HNF4G: variants seen among roughly 807,000 people sequenced by gnomAD.
The protein encoded by HNF4G is hepatocyte nuclear factor 4-gamma.
In HNF4G, 21 loss-of-function variants were observed where a neutral mutation model predicts 50.9. That is an observed-to-expected ratio of 0.41 (90% CI 0.29 to 0.59). The LOEUF (loss-of-function observed/expected upper bound fraction) is 0.59, where lower values mean the gene tolerates loss of function less well. Among genes scored for constraint, HNF4G ranks in the 20% least tolerant of loss-of-function variants. HNF4G has a pLI of 0.26. For synonymous variants in HNF4G, 198 were observed against 185.6 expected (o/e 1.07, Z -0.54); for missense variants, 527 against 559.4 (o/e 0.94, Z 0.58).
chr8:75,426,315 C>A (rs1394350188), intron 1 of HNF4G, among the ~76,000 whole-genome samples: 1 of 152,208 alleles, frequency 6.6e-6, no homozygotes, highest in Non-Finnish European at 1.5e-5. Context: ...TGTGTTTCTC[C>A]ATTGCACTTC....
chr8:75,471,609 T>C (rs1812116082), intron 1 of HNF4G, among the ~76,000 whole-genome samples: 1 of 152,220 alleles, frequency 6.6e-6, no homozygotes, highest in Admixed American at 6.5e-5. Context: ...TCCTTCCTTC[T>C]TATTAATTTC....
chr8:75,564,201 T>C lies in HNF4G; in HGVS notation c.*105T>C, dbSNP rs1374453375. On this transcript the variant is annotated 3_prime_UTR_variant, in exon 10 of 10. Transcript: ENST00000396423. Reference sequence around the variant, plus strand: ...CAAACTCTTAGCCAAGGCTTCTTCATTGGTGCTGTTATAAGATGGTGTCCT... The same window carrying C: ...CAAACTCTTAGCCAAGGCTTCTTCACTGGTGCTGTTATAAGATGGTGTCCT... The C allele has an allele frequency of 2.2e-5, 25 of 1,155,100 alleles. No individual in the cohort carries two copies. Among genetic ancestry groups the C allele is most frequent in the East Asian group, 2.4e-5 (1 of 41,924 alleles). The allele number at this position is 1,155,100 out of a possible 1,614,324, so 71.6% of individuals were successfully genotyped here. A position where few individuals can be genotyped will look rare whatever the true frequency, so the allele number is the denominator to read the frequency against.
chr8:75,419,409 G>T (rs1468920411), intron 1 of HNF4G, among the ~76,000 whole-genome samples: 3 of 152,148 alleles, frequency 2.0e-5, no homozygotes, highest in African/African-American at 7.2e-5. Context: ...ACTAAACTGG[G>T]TACTTCTCTT....
chr8:75,522,839 C>T (rs1271999663), intron 2 of HNF4G, among the ~76,000 whole-genome samples: 1 of 152,034 alleles, frequency 6.6e-6, no homozygotes, highest in African/African-American at 2.4e-5. Flanking sequence ...TATAGCATGT[C>T]TATATAATGG....
Position 75,539,922 on chromosome 8 carries a change from T to C in HNF4G, c.-41T>C. On this transcript the variant is annotated 5_prime_UTR_variant, in exon 1 of 10. Coordinates refer to ENST00000396423, the MANE Select transcript of HNF4G (RefSeq NM_004133.5). ...ACACATCAAAACACTCATCACGCAC[T>C]CTGGGCTTGTGGTGCCACTTGTATG... 2 of 915,688 alleles carry C rather than the reference T, an allele frequency of 2.2e-6. No homozygotes were observed. The highest frequency in any genetic ancestry group is 2.4e-5 in the East Asian group (1 of 41,446). The allele number at this position is 915,688 out of a possible 1,614,324, so 56.7% of individuals were successfully genotyped here.
intron 1 of HNF4G, among the ~76,000 whole-genome samples, chr8:75,439,883 C>T (rs1245345497): frequency 6.6e-6 from 1 of 151,726 alleles, no homozygotes; most frequent in Non-Finnish European, 1.5e-5. Flanking sequence ...TTTTTTATAG[C>T]AAGTCTTTCT....
chr8:75,543,229 T>C (rs1472606899), intron 1 of HNF4G, among the ~76,000 whole-genome samples: 1 of 151,754 alleles, frequency 6.6e-6, no homozygotes. Context: ...AATAAATAAA[T>C]AAAAAGTATT....
chr8:75,513,823 T>C (rs1001334158), intron 2 of HNF4G, among the ~76,000 whole-genome samples: 1 of 151,680 alleles, frequency 6.6e-6, no homozygotes, highest in African/African-American at 2.4e-5. Context: ...GACTTTTTAT[T>C]ATATTTTTTA....
chr8:75,438,621 G>T (rs1157135670), intron 1 of HNF4G, among the ~76,000 whole-genome samples: 1 of 150,244 alleles, frequency 6.7e-6, no homozygotes. Context: ...TTACCTTCAT[G>T]CATTTTACCT....
intron 1 of HNF4G, 31 bp from the exon 2 acceptor site, chr8:75,543,780 T>G: frequency 6.3e-7 from 1 of 1,581,152 alleles, no homozygotes. Context: ...TAGTACTAAC[T>G]CTAACTGTAA....
intron 1 of HNF4G, among the ~76,000 whole-genome samples, chr8:75,470,293 G>T (rs1022004922): frequency 6.6e-6 from 1 of 152,126 alleles, no homozygotes; most frequent in Non-Finnish European, 1.5e-5. Flanking sequence ...AAAATCAGAG[G>T]ACATATAAAG....
intron 2 of HNF4G, among the ~76,000 whole-genome samples, chr8:75,525,875 A>C (rs1353152615): frequency 2.0e-4 from 31 of 152,222 alleles, no homozygotes; most frequent in Admixed American, 2.0e-3. Flanking sequence ...ACCTTAGAGA[A>C]TGTTTGTATT....
chr8:75,471,308 T>A (rs1016242171), intron 1 of HNF4G, among the ~76,000 whole-genome samples: 3 of 152,264 alleles, frequency 2.0e-5, no homozygotes, highest in African/African-American at 7.2e-5. Flanking sequence ...TGTAGCATAA[T>A]CTGAAAAGTG....
intron 2 of HNF4G, among the ~76,000 whole-genome samples, chr8:75,513,870 T>C (rs1367456806): frequency 2.7e-5 from 4 of 150,410 alleles, no homozygotes; most frequent in African/African-American, 4.9e-5. Context: ...GAGAATGTGA[T>C]CTATATAATG....
chr8:75,479,568 T>G, intron 1 of HNF4G, among the ~76,000 whole-genome samples: 1 of 128,128 alleles, frequency 7.8e-6, no homozygotes, highest in East Asian at 2.2e-4. Context: ...ATTCTATCAC[T>G]TCATTTGCAT....
intron 1 of HNF4G, among the ~76,000 whole-genome samples, chr8:75,448,275 G>T (rs1331145713): frequency 1.7e-5 from 2 of 116,340 alleles, no homozygotes; most frequent in African/African-American, 3.3e-5. Context: ...ACACTCTGGG[G>T]ACTGTGGTGG....
At chr8:75,522,429 T>C (rs1806069251) in intron 2 of HNF4G, among the ~76,000 whole-genome samples, 1 of 152,228 alleles carries the variant, frequency 6.6e-6, no homozygotes, top group Non-Finnish European at 1.5e-5. Flanking sequence ...TTTCAAACAC[T>C]GAAACACATT....
At chr8:75,498,700 T>G (rs974382247) in intron 2 of HNF4G, among the ~76,000 whole-genome samples, 2 of 152,062 alleles carry the variant, frequency 1.3e-5, no homozygotes, top group Admixed American at 6.6e-5. Context: ...AAAAAAGGAT[T>G]ATCTATCATA....
intron 1 of HNF4G, among the ~76,000 whole-genome samples, chr8:75,482,358 C>T (rs753484479): frequency 2.6e-5 from 4 of 151,856 alleles, no homozygotes; most frequent in African/African-American, 4.8e-5. Context: ...CTCTCCCCTC[C>T]CCTCCCCTCC....
Sources: allele counts gnomAD v4.1 joint callset (sites outside exome capture counted in the v4.1 genomes callset), GRCh38; gene constraint gnomAD v4.1.1; transcripts MANE v1.5; gene names NCBI Gene and HGNC (gene_info 2026-07-23, HGNC 2026-07-21).